The following NCAM1 variants were observed in gnomAD, a reference collection of about 807,000 sequenced individuals.
The protein encoded by NCAM1 is neural cell adhesion molecule 1.
A neutral mutation model predicts 109.8 loss-of-function variants in NCAM1; 14 were observed. The observed-to-expected ratio is 0.13, with a 90% CI of 0.08 to 0.20. The LOEUF (loss-of-function observed/expected upper bound fraction) is 0.20, where lower values mean the gene tolerates loss of function less well. NCAM1 is among the 10% of genes least tolerant of loss of function. The pLI, the probability that NCAM1 is intolerant of heterozygous loss-of-function variation, is 1.00. For synonymous variants in NCAM1, 418 were observed against 442.9 expected, an observed-to-expected ratio of 0.94 and a Z score of 0.70; for missense variants, 774 against 1,109.9, an observed-to-expected ratio of 0.70 and a Z score of 4.30.
At chr11:113,067,131 A>T (rs1435608373) in intron 1 of NCAM1, among the ~76,000 whole-genome samples, 2 of 151,980 alleles carry the variant, frequency 1.3e-5, no homozygotes, top group Admixed American at 1.3e-4. Flanking sequence ...ACTACAGGAG[A>T]GGCTGTGTTT....
At chr11:113,259,538 C>T (rs1324752435) in intron 16 of NCAM1, among the ~76,000 whole-genome samples, 1 of 152,082 alleles carries the variant, frequency 6.6e-6, no homozygotes, top group African/African-American at 2.4e-5. Context: ...AGGAGTGGTG[C>T]TTGAGTCTCT....
At chr11:113,095,589 G>A (rs1166146811) in intron 1 of NCAM1, among the ~76,000 whole-genome samples, 7 of 152,212 alleles carry the variant, frequency 4.6e-5, no homozygotes, top group Admixed American at 1.3e-4. Context: ...GCTAAGACTC[G>A]CCAAATCCCT....
chr11:113,105,182 T>A (rs1409366375), intron 1 of NCAM1, among the ~76,000 whole-genome samples: 2 of 152,212 alleles, frequency 1.3e-5, no homozygotes, highest in Non-Finnish European at 2.9e-5. Flanking sequence ...CTTGGCTATG[T>A]GCAGTTGAGG....
intron 1 of NCAM1, among the ~76,000 whole-genome samples, chr11:113,064,405 T>G (rs1937845694): frequency 6.6e-6 from 1 of 152,176 alleles, no homozygotes; most frequent in Non-Finnish European, 1.5e-5. Context: ...AATGTTAAGT[T>G]TTAAGTTAGA....
At chr11:113,008,060 C>T (rs1292660087) in intron 1 of NCAM1, among the ~76,000 whole-genome samples, 6 of 152,138 alleles carry the variant, frequency 3.9e-5, no homozygotes, top group African/African-American at 1.4e-4. Context: ...TTTCTTAGTC[C>T]ATAAAATAAT....
rs184666955 is a variant in NCAM1, at chr11:113,218,577, A to T, written c.1060-2719A>T. 2.6e-5 allele frequency among the ~76,000 whole-genome samples: 4 copies of T among 152,280 alleles called. No individual in the cohort carries two copies. The East Asian group carries it at 7.7e-4, about 29-fold the overall frequency. ...CTTGTTCATTATAAAAGAAGGGGGG[A>T]GATAAGCAAAAACAAGTACAATGAG... is the stretch of plus-strand genomic sequence containing the variant. On this transcript the variant is annotated intron_variant, in intron 8 of 19. Transcript: ENST00000316851.
chr11:113,047,314 TTAAAA>T lies in NCAM1; in HGVS notation c.52+85656_52+85660del, dbSNP rs200209501. Among the ~76,000 whole-genome samples the T allele has an allele frequency of 8.2e-3, 1,248 of 152,164 alleles. 16 individuals carry two copies. Among genetic ancestry groups the T allele is most frequent in the African/African-American group, 0.029 (1,192 of 41,504 alleles). On this transcript the variant is annotated intron_variant, in intron 1 of 19. Transcript: ENST00000316851. ...ATCATGATGAAAAGTAATATCACAC[TTAAAA>T]TAAAAATAAAATAAAATCACACTTA...
At chr11:113,174,265 G>A (rs1555106691) in intron 1 of NCAM1, among the ~76,000 whole-genome samples, 1 of 152,148 alleles carries the variant, frequency 6.6e-6, no homozygotes, top group Non-Finnish European at 1.5e-5. Flanking sequence ...AACACTTCCT[G>A]AGTGATTGCT....
chr11:113,053,793 A>C (rs1203403288), intron 1 of NCAM1, among the ~76,000 whole-genome samples: 1 of 152,194 alleles, frequency 6.6e-6, no homozygotes, highest in Non-Finnish European at 1.5e-5. Flanking sequence ...GCATACCACG[A>C]TCTTAGCTGC....
intron 1 of NCAM1, among the ~76,000 whole-genome samples, chr11:113,109,151 C>A (rs1219908119): frequency 6.6e-6 from 1 of 151,428 alleles, no homozygotes; most frequent in Non-Finnish European, 1.5e-5. Context: ...AGTTCGAGAC[C>A]AGCCTGGCCA....
intron 1 of NCAM1, among the ~76,000 whole-genome samples, chr11:112,994,761 C>CA (rs1722636262): frequency 6.6e-6 from 1 of 152,162 alleles, no homozygotes; most frequent in Admixed American, 6.5e-5. Context: ...GTAGGTCCCC[C>CA]AAAGATGTAT....
chr11:113,255,479 C>CA (rs1347599577), intron 15 of NCAM1, among the ~76,000 whole-genome samples: 1 of 151,066 alleles, frequency 6.6e-6, no homozygotes, highest in African/African-American at 2.4e-5. Flanking sequence ...GTTTCCTACT[C>CA]AAACACTTCT....
At chr11:113,054,301 T>G (rs965704943) in intron 1 of NCAM1, among the ~76,000 whole-genome samples, 9 of 152,216 alleles carry the variant, frequency 5.9e-5, no homozygotes, top group South Asian at 2.1e-4. Context: ...TTAAAATTCC[T>G]GTACTTAATT....
intron 5 of NCAM1, among the ~76,000 whole-genome samples, chr11:113,206,775 A>G (rs1053724075): frequency 2.0e-5 from 3 of 152,236 alleles, no homozygotes; most frequent in African/African-American, 7.2e-5. Flanking sequence ...ACAGTTTTGT[A>G]CAAGGTTGTT....
At chr11:113,156,536 A>G (rs548686025) in intron 1 of NCAM1, among the ~76,000 whole-genome samples, 17 of 152,316 alleles carry the variant, frequency 1.1e-4, no homozygotes, top group Admixed American at 9.8e-4. Context: ...GCTATATTAA[A>G]GGGGTGGCAT....
intron 1 of NCAM1, among the ~76,000 whole-genome samples, chr11:113,191,575 G>A (rs1943674512): frequency 1.3e-5 from 2 of 152,132 alleles, no homozygotes; most frequent in Admixed American, 1.3e-4. Context: ...GCCTTGGGCT[G>A]GTTATTTAAC....
intron 1 of NCAM1, among the ~76,000 whole-genome samples, chr11:113,145,634 A>C (rs980776843): frequency 6.6e-6 from 1 of 152,284 alleles, no homozygotes; most frequent in East Asian, 1.9e-4. Flanking sequence ...AATTAGAAAA[A>C]GGTTAGCTTT....
At chr11:113,188,156 G>T (rs1163896953) in intron 1 of NCAM1, among the ~76,000 whole-genome samples, 1 of 152,200 alleles carries the variant, frequency 6.6e-6, no homozygotes, top group East Asian at 1.9e-4. Context: ...AGGAGAGAGA[G>T]AGCCAAAGGG....
intron 1 of NCAM1, among the ~76,000 whole-genome samples, chr11:113,064,819 T>C (rs1474813184): frequency 6.6e-6 from 1 of 152,230 alleles, no homozygotes; most frequent in African/African-American, 2.4e-5. Context: ...GTGTTAATTT[T>C]TTTTTCTGGA....
Sources: gnomAD v4.1 joint callset for allele counts (sites outside exome capture counted in the v4.1 genomes callset) on GRCh38, gnomAD v4.1.1 for gene constraint, MANE v1.5 for transcripts, NCBI Gene and HGNC (gene_info 2026-07-23, HGNC 2026-07-21) for gene names.